The following TCF7L2 variants were observed in gnomAD, a reference collection of about 807,000 sequenced individuals.
TCF7L2 encodes the protein transcription factor 7-like 2.
In TCF7L2, 23 loss-of-function variants were observed where a neutral mutation model predicts 77.9. That is an observed-to-expected ratio of 0.30 (90% CI 0.21 to 0.42). The LOEUF (loss-of-function observed/expected upper bound fraction) is 0.42, where lower values mean the gene tolerates loss of function less well. Among genes scored for constraint, TCF7L2 ranks in the 10% least tolerant of loss-of-function variants. The probability of loss-of-function intolerance (pLI) is 1.00; values close to 1 mark genes in which losing one functional copy is unlikely to be tolerated. For synonymous variants in TCF7L2, 413 were observed against 340.2 expected (o/e 1.21, Z -2.36); for missense variants, 654 against 793.1 (o/e 0.82, Z 2.11).
chr10:113,013,394 C>T (rs972769244), intron 4 of TCF7L2, among the ~76,000 whole-genome samples: 2 of 152,156 alleles, frequency 1.3e-5, no homozygotes, highest in South Asian at 2.1e-4. Flanking sequence ...GCTGGGATTA[C>T]GGGCATGAGC....
chr10:113,040,888 C>T (rs2134283208), intron 5 of TCF7L2, among the ~76,000 whole-genome samples: 1 of 152,296 alleles, frequency 6.6e-6, no homozygotes, highest in South Asian at 2.1e-4. Context: ...GGACTTCATA[C>T]TTTTGAAATA....
intron 5 of TCF7L2, among the ~76,000 whole-genome samples, chr10:113,043,440 T>A (rs1256837847): frequency 1.3e-5 from 2 of 152,240 alleles, no homozygotes. Flanking sequence ...TGATATAGCA[T>A]CTCATTTGTT....
At chr10:112,988,710 C>T (rs1564750005) in intron 4 of TCF7L2, among the ~76,000 whole-genome samples, 1 of 152,214 alleles carries the variant, frequency 6.6e-6, no homozygotes, top group Non-Finnish European at 1.5e-5. Context: ...GGAAAGCTCA[C>T]ATTTTTGAGG....
chr10:113,073,406 C>T (rs1381945507), intron 5 of TCF7L2, among the ~76,000 whole-genome samples: 1 of 148,862 alleles, frequency 6.7e-6, no homozygotes, highest in Admixed American at 6.8e-5. Context: ...GTGGCTCACT[C>T]CGTAATTCCG....
chr10:113,061,060 C>T (rs1376671837), intron 5 of TCF7L2, among the ~76,000 whole-genome samples: 5 of 152,126 alleles, frequency 3.3e-5, no homozygotes, highest in South Asian at 2.1e-4. Flanking sequence ...TTGATGTGTG[C>T]GTTTACCCTC....
chr10:113,090,313 T>C (rs1449366604), intron 5 of TCF7L2, among the ~76,000 whole-genome samples: 1 of 152,330 alleles, frequency 6.6e-6, no homozygotes, highest in East Asian at 1.9e-4. Context: ...AAAAGAAAAG[T>C]GAATATTTAT....
chr10:113,157,292 A>G (rs1343960736), intron 11 of TCF7L2, among the ~76,000 whole-genome samples: 1 of 151,986 alleles, frequency 6.6e-6, no homozygotes, highest in Non-Finnish European at 1.5e-5. Flanking sequence ...CTAATTTTGC[A>G]TTTTTAGTAG....
intron 4 of TCF7L2, among the ~76,000 whole-genome samples, chr10:112,965,928 C>T (rs535345156): frequency 1.1e-4 from 16 of 151,902 alleles, no homozygotes; most frequent in African/African-American, 3.9e-4. Flanking sequence ...AATCCCAGCA[C>T]TTTGGGAGGC....
chr10:113,067,293 T>G (rs2057383727), intron 5 of TCF7L2, among the ~76,000 whole-genome samples: 1 of 152,148 alleles, frequency 6.6e-6, no homozygotes. Context: ...TACAAAGAAA[T>G]GAACAGCAGA....
intron 5 of TCF7L2, among the ~76,000 whole-genome samples, chr10:113,043,834 T>G (rs2052930510): frequency 6.6e-6 from 1 of 152,050 alleles, no homozygotes; most frequent in Non-Finnish European, 1.5e-5. Flanking sequence ...AGTGGTAGAG[T>G]TTGAGTCAGT....
At chr10:113,134,689 A>C (rs866355014) in intron 5 of TCF7L2, among the ~76,000 whole-genome samples, 2 of 152,166 alleles carry the variant, frequency 1.3e-5, no homozygotes, top group Non-Finnish European at 2.9e-5. Context: ...GCCATAGTAA[A>C]CGGCATCTGG....
intron 5 of TCF7L2, among the ~76,000 whole-genome samples, chr10:113,043,091 G>T (rs1590907944): frequency 1.3e-5 from 2 of 152,296 alleles, no homozygotes; most frequent in East Asian, 3.9e-4. Flanking sequence ...TGGAATTGTT[G>T]TAACTTTTGG....
At chr10:112,972,950 A>G (rs1298111274) in intron 4 of TCF7L2, among the ~76,000 whole-genome samples, 2 of 152,226 alleles carry the variant, frequency 1.3e-5, no homozygotes, top group Non-Finnish European at 2.9e-5. Flanking sequence ...ATTGTCCTAC[A>G]TAGGCTTATG....
chr10:113,076,969 C>T (rs1188850070), intron 5 of TCF7L2, among the ~76,000 whole-genome samples: 1 of 152,218 alleles, frequency 6.6e-6, no homozygotes, highest in Non-Finnish European at 1.5e-5. Context: ...AATCCACCTG[C>T]CATTTTTCAA....
intron 4 of TCF7L2, among the ~76,000 whole-genome samples, chr10:112,970,797 T>G (rs1269289576): frequency 6.6e-6 from 1 of 152,216 alleles, no homozygotes; most frequent in Non-Finnish European, 1.5e-5. Context: ...CTCTCTTGGC[T>G]GAGCAGCAGA....
chr10:112,982,368 C>G (rs963872186), intron 4 of TCF7L2, among the ~76,000 whole-genome samples: 1 of 152,146 alleles, frequency 6.6e-6, no homozygotes, highest in African/African-American at 2.4e-5. Flanking sequence ...GAGGCTCTGT[C>G]ACAGGGGCCT....
chr10:113,097,013 C>T (rs1048467226), intron 5 of TCF7L2, among the ~76,000 whole-genome samples: 8 of 152,160 alleles, frequency 5.3e-5, no homozygotes, highest in African/African-American at 1.9e-4. Context: ...CCCGCGTCAC[C>T]ATCCCTGTCC....
At chr10:112,965,615 C>CT (rs1373192776) in intron 4 of TCF7L2, among the ~76,000 whole-genome samples, 4 of 143,914 alleles carry the variant, frequency 2.8e-5, no homozygotes, top group Non-Finnish European at 6.0e-5. Context: ...GATAACTTGT[C>CT]TGTGTGTGTG....
intron 4 of TCF7L2, among the ~76,000 whole-genome samples, chr10:112,966,177 A>AATATACATATATATATATATAT (rs1564721739): frequency 6.6e-5 from 3 of 45,142 alleles, no homozygotes; most frequent in African/African-American, 3.9e-4. Flanking sequence ...CTCTGTCTAA[A>AATATACATATATATATATATAT]ATATATTTAT....
Sources: allele counts gnomAD v4.1 joint callset (sites outside exome capture counted in the v4.1 genomes callset), GRCh38; gene constraint gnomAD v4.1.1; transcripts MANE v1.5; gene names NCBI Gene and HGNC (gene_info 2026-07-23, HGNC 2026-07-21).